Variants in HLCS observed in about 807,000 individuals in gnomAD.
HLCS encodes the protein biotin--protein ligase.
In HLCS, 53 loss-of-function variants were observed where a neutral mutation model predicts 75.0. The ratio of observed to expected loss-of-function variants is 0.71; its 90% CI spans 0.57 to 0.89. The LOEUF is 0.89. HLCS is among the 40% of genes least tolerant of loss of function. The probability of loss-of-function intolerance (pLI) is 0.00; values close to 1 mark genes in which losing one functional copy is unlikely to be tolerated. For synonymous variants in HLCS, 431 were observed against 428.6 expected (o/e 1.01, Z -0.07); for missense variants, 966 against 1,074.0 (o/e 0.90, Z 1.41).
intron 6 of HLCS, among the ~76,000 whole-genome samples, chr21:36,815,072 G>A (rs1040209548): frequency 2.6e-5 from 4 of 151,286 alleles, no homozygotes; most frequent in African/African-American, 9.7e-5. Context: ...TGTCACCCAG[G>A]CTGGGATGCA....
intron 6 of HLCS, among the ~76,000 whole-genome samples, chr21:36,888,984 C>T (rs914158405): frequency 7.2e-5 from 11 of 152,272 alleles, no homozygotes; most frequent in African/African-American, 2.6e-4. Flanking sequence ...AGACCAAGAA[C>T]GGTGTACACA....
chr21:36,942,321 C>A (rs1051635035), intron 2 of HLCS, among the ~76,000 whole-genome samples: 1 of 150,882 alleles, frequency 6.6e-6, no homozygotes, highest in African/African-American at 2.4e-5. Context: ...TGCAATCCCA[C>A]CTGAGAGGTG....
intron 6 of HLCS, among the ~76,000 whole-genome samples, chr21:36,790,210 C>T (rs2060817257): frequency 6.6e-6 from 1 of 152,164 alleles, no homozygotes; most frequent in Non-Finnish European, 1.5e-5. Context: ...TCAAGACCAT[C>T]CTAGCCAACA....
chr21:36,758,243 A>T (rs1009375944), intron 9 of HLCS, among the ~76,000 whole-genome samples: 15 of 151,926 alleles, frequency 9.9e-5, no homozygotes, highest in African/African-American at 3.4e-4. Flanking sequence ...AGTAGCTAGG[A>T]CTACAGGCAG....
At chr21:36,965,469 G>C (rs1397423887) in intron 1 of HLCS, among the ~76,000 whole-genome samples, 1 of 152,196 alleles carries the variant, frequency 6.6e-6, no homozygotes, top group Admixed American at 6.5e-5. Flanking sequence ...ACTTTTTACA[G>C]AGATTAATTG....
intron 5 of HLCS, among the ~76,000 whole-genome samples, chr21:36,928,643 C>CA (rs1368860475): frequency 6.6e-6 from 1 of 152,098 alleles, no homozygotes; most frequent in Non-Finnish European, 1.5e-5. Flanking sequence ...CTTGGGCTCC[C>CA]AAAGTAAAGC....
chr21:36,844,882 A>G (rs561123822), intron 6 of HLCS, among the ~76,000 whole-genome samples: 1 of 152,336 alleles, frequency 6.6e-6, no homozygotes, highest in East Asian at 1.9e-4. Flanking sequence ...GGGCAGCAGC[A>G]GTGGTGAAAC....
At chr21:36,926,935 G>A (rs1020165547) in intron 5 of HLCS, among the ~76,000 whole-genome samples, 3 of 151,964 alleles carry the variant, frequency 2.0e-5, no homozygotes, top group African/African-American at 4.8e-5. Flanking sequence ...TAAAGAATAC[G>A]AAATTCTGCC....
At position 36,756,692 on chromosome 21, in the gene HLCS, T is replaced by C. The variant is rs778182226; in HGVS notation, c.2300A>G (p.Tyr767Cys). ...TICINDLITEYNKQHKAELKP... is the reference protein window; with the variant it reads ...TICINDLITECNKQHKAELKP... The stretch of plus-strand genomic sequence containing the variant: ...CAGTTCTGCCTTGTGTTGTTTATTG[T>C]ATTCTGTGATGAGGTCGTTGATGCA... Residue 767 changes from tyrosine to cysteine, a missense_variant, in exon 10 of 11, where the codon TAC becomes TGC. By Grantham distance (194) the Tyr-to-Cys change is radical. Coordinates refer to ENST00000674895, the MANE Select transcript of HLCS (RefSeq NM_001352514.2). 6.2e-7 allele frequency: 1 copy of C among 1,614,196 alleles called. No homozygotes were observed. The highest frequency in any genetic ancestry group is 2.2e-5 in the East Asian group (1 of 44,884).
chr21:36,756,136 C>T (rs1174383281), intron 10 of HLCS, among the ~76,000 whole-genome samples: 1 of 152,094 alleles, frequency 6.6e-6, no homozygotes, highest in African/African-American at 2.4e-5. Context: ...CTCGGTCCCT[C>T]ATTTTAAGAT....
At chr21:36,935,782 C>A (rs2066851903) in intron 4 of HLCS, among the ~76,000 whole-genome samples, 1 of 152,208 alleles carries the variant, frequency 6.6e-6, no homozygotes. Flanking sequence ...AGAAGATGAG[C>A]CAAAGGATCT....
chr21:36,977,717 C>T (rs1330782506), intron 1 of HLCS, among the ~76,000 whole-genome samples: 1 of 152,226 alleles, frequency 6.6e-6, no homozygotes, highest in Non-Finnish European at 1.5e-5. Flanking sequence ...CCCCCCAACT[C>T]CCCAACAAAA....
chr21:36,864,739 C>A (rs2146204235), intron 6 of HLCS, among the ~76,000 whole-genome samples: 1 of 152,186 alleles, frequency 6.6e-6, no homozygotes, highest in Non-Finnish European at 1.5e-5. Flanking sequence ...GATGAATGGG[C>A]CTTTTTATCC....
At chr21:36,930,126 A>C in intron 5 of HLCS, 125 bp downstream of exon 5, 19 of 900,170 alleles carry the variant, frequency 2.1e-5, no homozygotes, top group Non-Finnish European at 2.7e-5. Flanking sequence ...ATGATTTCCA[A>C]ACCCGAAGTC....
In HLCS at chr21:36,909,714, T is replaced by C. The variant is rs544207953; in HGVS notation, c.1621-12583A>G. Among the ~76,000 whole-genome samples the C allele has an allele frequency of 2.0e-4, 30 of 152,302 alleles. No individual in the cohort carries two copies. The South Asian group carries it at 6.2e-3, about 32-fold the overall frequency. ...CTCAAGCAATCCTCCCACCTCAGAC[T>C]CCCAAAGTGCTGGGTTTACAGGTGT... On this transcript the variant is annotated intron_variant, in intron 5 of 10. Transcript: ENST00000674895.
intron 6 of HLCS, among the ~76,000 whole-genome samples, chr21:36,889,892 C>T (rs1442212144): frequency 6.6e-6 from 1 of 152,206 alleles, no homozygotes; most frequent in East Asian, 1.9e-4. Flanking sequence ...TGGTTATGCC[C>T]TGTGCCCCCA....
intron 9 of HLCS, among the ~76,000 whole-genome samples, chr21:36,758,792 C>A (rs1157786534): frequency 6.6e-6 from 1 of 151,998 alleles, no homozygotes; most frequent in Middle Eastern, 3.2e-3. Context: ...ACCAGCCTGG[C>A]CAACATAGTG....
chr21:36,846,288 C>T (rs2146117022), intron 6 of HLCS, among the ~76,000 whole-genome samples: 1 of 152,158 alleles, frequency 6.6e-6, no homozygotes, highest in Admixed American at 6.5e-5. Context: ...ATGTTGGTTT[C>T]CTAAAGAAAA....
At chr21:36,766,359 A>C (rs1306329802) in intron 7 of HLCS, among the ~76,000 whole-genome samples, 1 of 152,186 alleles carries the variant, frequency 6.6e-6, no homozygotes. Context: ...AAATAGAAGA[A>C]TCCAAATGAG....
Sources: gnomAD v4.1 joint callset for allele counts (sites outside exome capture counted in the v4.1 genomes callset) on GRCh38, gnomAD v4.1.1 for gene constraint, MANE v1.5 for transcripts, NCBI Gene and HGNC (gene_info 2026-07-23, HGNC 2026-07-21) for gene names.